Variants in CDYL observed in about 807,000 individuals in gnomAD.
The protein encoded by CDYL is chromodomain Y-like protein.
CDYL carries 8 observed loss-of-function variants against 47.3 expected under a neutral mutation model. The ratio of observed to expected loss-of-function variants is 0.17; its 90% CI spans 0.10 to 0.31. CDYL has a LOEUF of 0.31. Ranked by LOEUF, CDYL falls within the 10% of genes least tolerant of loss-of-function variation. The pLI is 1.00. For missense variants in CDYL, 471 were observed against 701.4 expected (o/e 0.67, Z 3.71); for synonymous variants, 266 against 265.0 (o/e 1.00, Z -0.04).
chr6:4,923,859 C>A (rs1399390191), intron 2 of CDYL, among the ~76,000 whole-genome samples: 1 of 150,596 alleles, frequency 6.6e-6, no homozygotes. Flanking sequence ...CGAGGTCGCG[C>A]CACTGCACTC....
chr6:4,745,451 T>A (rs965403595), intron 3 of CDYL, among the ~76,000 whole-genome samples: 9 of 152,092 alleles, frequency 5.9e-5, no homozygotes, highest in South Asian at 2.1e-4. Flanking sequence ...AAACACTTAG[T>A]GTTGGCCGGG....
intron 2 of CDYL, among the ~76,000 whole-genome samples, chr6:4,729,913 G>A (rs1342955082): frequency 6.6e-6 from 1 of 151,622 alleles, no homozygotes; most frequent in Non-Finnish European, 1.5e-5. Flanking sequence ...GTGAGACTGT[G>A]TCTCAAAAAA....
At chr6:4,851,677 A>G (rs1376701085) in intron 1 of CDYL, among the ~76,000 whole-genome samples, 5 of 152,240 alleles carry the variant, frequency 3.3e-5, no homozygotes, top group African/African-American at 1.2e-4. Context: ...CATTGCATCC[A>G]CCAGCACCTT....
At chr6:4,908,916 C>T (rs551475069) in intron 2 of CDYL, among the ~76,000 whole-genome samples, 4 of 152,322 alleles carry the variant, frequency 2.6e-5, no homozygotes, top group East Asian at 1.9e-4. Context: ...CTCCGTTCTT[C>T]GCTGCGTTCT....
chr6:4,782,650 T>G (rs966591432), intron 1 of CDYL, among the ~76,000 whole-genome samples: 2 of 152,134 alleles, frequency 1.3e-5, no homozygotes, highest in African/African-American at 4.8e-5. Context: ...CAAATAGAAT[T>G]TTATGAAAAT....
At chr6:4,734,129 C>A (rs1757658374) in intron 2 of CDYL, among the ~76,000 whole-genome samples, 1 of 151,494 alleles carries the variant, frequency 6.6e-6, no homozygotes, top group African/African-American at 2.4e-5. Context: ...CATGAGCCAC[C>A]ACGCCCAGCC....
In CDYL at chr6:4,892,130, C is replaced by A; in HGVS notation, c.442C>A (p.Pro148Thr). The A allele has an allele frequency of 6.2e-7, 1 of 1,614,190 alleles. No individual in the cohort carries two copies. Among genetic ancestry groups the A allele is most frequent in the Non-Finnish European group, 8.5e-7 (1 of 1,180,050 alleles). Residue 148 changes from proline to threonine, a missense_variant, in exon 2 of 7, where the codon CCC (proline) becomes ACC (threonine). Pro to Thr is a conservative substitution (Grantham distance 38, BLOSUM62 -1). Coordinates refer to ENST00000397588, the MANE Select transcript of CDYL (RefSeq NM_004824.4). ...TATCAAGATCCTCGTGCCTAAAAGC[C>A]CCGTTAAGAGCAGGACCGCAGTGGA... is the stretch of plus-strand genomic sequence containing the variant. ...SGIKILVPKS[P>T]VKSRTAVDGF...
In CDYL at chr6:4,747,672, T is replaced by C. The variant is rs887311320; in HGVS notation, c.186+12828T>C. ...AATGGACAACTGCGATTGTGGCTGT[T>C]TTAGCACAGGACACAGACAAAAGGG... On this transcript the variant is annotated intron_variant, in intron 3 of 8. Transcript: ENST00000328908. Among the ~76,000 whole-genome samples the C allele has an allele frequency of 2.6e-5, 4 of 152,314 alleles. No homozygotes were observed. The South Asian group carries it at 8.3e-4, about 32-fold the overall frequency.
At chr6:4,864,168 CAAAAT>C (rs970724810) in intron 1 of CDYL, among the ~76,000 whole-genome samples, 5 of 152,206 alleles carry the variant, frequency 3.3e-5, no homozygotes, top group African/African-American at 1.2e-4. Context: ...ATTCAAGAAA[CAAAAT>C]GAAATGGACA....
chr6:4,823,687 C>T (rs545413561), intron 1 of CDYL, among the ~76,000 whole-genome samples: 1 of 152,006 alleles, frequency 6.6e-6, no homozygotes, highest in Admixed American at 6.6e-5. Flanking sequence ...TTTGTATCTC[C>T]AAAACTTTTA....
chr6:4,743,030 T>A (rs1757824983), intron 3 of CDYL, among the ~76,000 whole-genome samples: 1 of 152,232 alleles, frequency 6.6e-6, no homozygotes, highest in African/African-American at 2.4e-5. Context: ...TAACACTGCG[T>A]CCAGAAACAC....
At chr6:4,925,444 C>T (rs1458055037) in intron 2 of CDYL, among the ~76,000 whole-genome samples, 5 of 125,152 alleles carry the variant, frequency 4.0e-5, no homozygotes, top group African/African-American at 5.8e-5. Context: ...CAGAATCTCA[C>T]TCTGTCGCCC....
chr6:4,830,272 A>G (rs1760098773), intron 1 of CDYL, among the ~76,000 whole-genome samples: 1 of 152,256 alleles, frequency 6.6e-6, no homozygotes, highest in Non-Finnish European at 1.5e-5. Context: ...CAGTGTTAAT[A>G]AATCTAAATA....
intron 3 of CDYL, among the ~76,000 whole-genome samples, chr6:4,758,375 T>TATATATATATATATATA (rs1758111843): frequency 3.4e-5 from 5 of 148,194 alleles, no homozygotes; most frequent in African/African-American, 5.0e-5. Flanking sequence ...TATATATCTC[T>TATATATATATATATATA]TTGTGGCCAG....
chr6:4,909,237 T>C (rs59771076), intron 2 of CDYL, among the ~76,000 whole-genome samples: 3,619 of 152,308 alleles, frequency 0.024, 147 homozygotes, highest in African/African-American at 0.083. Flanking sequence ...ATTAAACTTA[T>C]TGTAAACACT....
chr6:4,953,071 C>CT (rs1370449349), intron 6 of CDYL, among the ~76,000 whole-genome samples: 1 of 151,064 alleles, frequency 6.6e-6, no homozygotes, highest in Non-Finnish European at 1.5e-5. Flanking sequence ...GCCCGGCCTC[C>CT]TAAGTTTTTG....
At chr6:4,785,449 G>T (rs1758730859) in intron 1 of CDYL, among the ~76,000 whole-genome samples, 1 of 152,150 alleles carries the variant, frequency 6.6e-6, no homozygotes, top group Non-Finnish European at 1.5e-5. Flanking sequence ...AGTGTTTGTT[G>T]TTAAAACCCA....
chr6:4,804,009 T>C (rs1490082650), intron 1 of CDYL, among the ~76,000 whole-genome samples: 7 of 151,720 alleles, frequency 4.6e-5, no homozygotes, highest in Admixed American at 1.3e-4. Flanking sequence ...CCTAAGTCTT[T>C]TTGATTTTTA....
At position 4,745,738 on chromosome 6, in the gene CDYL, G is replaced by A. The variant is rs554720113; in HGVS notation, c.186+10894G>A. 2.0e-5 allele frequency among the ~76,000 whole-genome samples: 3 copies of A among 152,340 alleles called. No individual in the cohort carries two copies. In the East Asian group the frequency reaches 5.8e-4, roughly 29 times the overall value. On this transcript the variant is annotated intron_variant, in intron 3 of 8. Transcript: ENST00000328908. Reference sequence around the variant, plus strand: ...TCAGTTAAGCTCAGGTGTTGTGTCTGCAACGAGAGGCAGCTGGTCTCATGG... The same window carrying A: ...TCAGTTAAGCTCAGGTGTTGTGTCTACAACGAGAGGCAGCTGGTCTCATGG...
Sources: allele counts gnomAD v4.1 joint callset (sites outside exome capture counted in the v4.1 genomes callset), GRCh38; gene constraint gnomAD v4.1.1; transcripts MANE v1.5; gene names NCBI Gene and HGNC (gene_info 2026-07-23, HGNC 2026-07-21).